The following PLOD1 variants were observed in gnomAD, a reference collection of about 807,000 sequenced individuals.
The protein encoded by PLOD1 is lysine hydroxylase.
Under a neutral mutation model 94.7 loss-of-function variants are expected in PLOD1, and 70 were observed. The observed-to-expected ratio is 0.74, with a 90% confidence interval of 0.61 to 0.90. PLOD1 has a LOEUF of 0.90. PLOD1 is among the 40% of genes least tolerant of loss of function. PLOD1 has a pLI of 0.00. For synonymous variants in PLOD1, 417 were observed against 400.2 expected (o/e 1.04, Z -0.50); for missense variants, 905 against 972.7 (o/e 0.93, Z 0.93).
intron 1 of PLOD1, among the ~76,000 whole-genome samples, chr1:11,942,348 A>G (rs1177651535): frequency 1.3e-5 from 2 of 152,140 alleles, no homozygotes; most frequent in Non-Finnish European, 2.9e-5. Context: ...GCCCAGTCCC[A>G]GCCATGGTGA....
chr1:11,954,983 C>T, intron 6 of PLOD1, 90 bp downstream of exon 6: 1 of 992,354 alleles, frequency 1.0e-6, no homozygotes, highest in Non-Finnish European at 1.6e-6. Flanking sequence ...GAGAAATGGG[C>T]TGCTTCTTTC....
chr1:11,937,138 G>A (rs1016691689), intron 1 of PLOD1, among the ~76,000 whole-genome samples: 1 of 152,094 alleles, frequency 6.6e-6, no homozygotes, highest in East Asian at 1.9e-4. Context: ...GTGAGCCACC[G>A]CGCCCGGCCA....
intron 1 of PLOD1, among the ~76,000 whole-genome samples, chr1:11,945,425 C>A (rs1242258344): frequency 6.9e-6 from 1 of 144,958 alleles, no homozygotes; most frequent in Admixed American, 6.9e-5. Context: ...GATTGGGTCT[C>A]AAAAAAAAAA....
At chr1:11,973,260 G>A (rs1645879434) in intron 18 of PLOD1, among the ~76,000 whole-genome samples, 1 of 152,288 alleles carries the variant, frequency 6.6e-6, no homozygotes, top group Non-Finnish European at 1.5e-5. Context: ...AGCAGTTTGG[G>A]AGGCCAAGGC....
chr1:11,956,453 A>G (rs1645738392), intron 6 of PLOD1, among the ~76,000 whole-genome samples: 1 of 152,208 alleles, frequency 6.6e-6, no homozygotes. Context: ...GGCTCCCTCC[A>G]CTGGGACAAG....
At chr1:11,947,954 C>T in intron 1 of PLOD1, 22 bp from the exon 2 acceptor site, 2 of 1,515,904 alleles carry the variant, frequency 1.3e-6, no homozygotes, top group Non-Finnish European at 1.8e-6. Flanking sequence ...TTCCCATTCA[C>T]CATACCCTCC....
chr1:11,937,953 C>CTT (rs796438993), intron 1 of PLOD1, among the ~76,000 whole-genome samples: 4 of 122,162 alleles, frequency 3.3e-5, no homozygotes, highest in East Asian at 2.4e-4. Flanking sequence ...TTTTCATTTT[C>CTT]TTTTTTTTTT....
Position 11,966,299 on chromosome 1 carries a change from G to A in PLOD1, c.1633G>A (p.Gly545Arg), listed in dbSNP as rs886045204. ...IHQNYTKALA[G>R]KLVETPCPDV... ...CCAGAACTACACCAAAGCCCTGGCAGGGAAGCTGGTGGAGACGGTAAGGGC... is the reference window on the plus strand; with the variant it reads ...CCAGAACTACACCAAAGCCCTGGCAAGGAAGCTGGTGGAGACGGTAAGGGC... Residue 545 changes from glycine (G) to arginine (R), a missense_variant, in exon 15 of 19, where the codon GGG becomes AGG. Physicochemically the swap from Gly to Arg is moderately radical, Grantham distance 125. Transcript: ENST00000196061. 6.2e-7 allele frequency: 1 copy of A among 1,607,336 alleles called. No homozygotes were observed. Among genetic ancestry groups the A allele is most frequent in the Non-Finnish European group, 8.5e-7 (1 of 1,176,808 alleles).
rs12037575 is a variant in PLOD1 at position 11,939,228 on chromosome 1, C to T, written c.76+4373C>T. On this transcript the variant is annotated intron_variant, in intron 1 of 18. Coordinates refer to ENST00000196061, the MANE Select transcript of PLOD1 (RefSeq NM_000302.4). ...GCACTGGATGGTGTGGGGGTGGGGC[C>T]GGGTCTGGGGAGACCTAAGTGGGCA... Among the ~76,000 whole-genome samples the T allele has an allele frequency of 3.3e-3, 508 of 151,898 alleles. 2 individuals carry two copies. Among genetic ancestry groups the T allele is most frequent in the African/African-American group, 0.012 (485 of 41,458 alleles).
intron 1 of PLOD1, among the ~76,000 whole-genome samples, chr1:11,945,237 T>G (rs1645642533): frequency 6.6e-6 from 1 of 151,966 alleles, no homozygotes; most frequent in African/African-American, 2.4e-5. Flanking sequence ...CTGAGTAACA[T>G]GGTGAAACCT....
rs140099945 is a variant in PLOD1 at position 11,946,914 on chromosome 1, A to C, written c.77-1062A>C. 2.7e-4 allele frequency among the ~76,000 whole-genome samples: 41 copies of C among 152,286 alleles called. 2 individuals are homozygous for C. In the East Asian group the frequency reaches 7.9e-3, roughly 29 times the overall value. ...GCCTCAGGAAGCTTTGACTCATGGCAGGCATGTCACATGGTGAGAGCTGGA... is the reference window on the plus strand; with the variant it reads ...GCCTCAGGAAGCTTTGACTCATGGCCGGCATGTCACATGGTGAGAGCTGGA... On this transcript the variant is annotated intron_variant, in intron 1 of 18. Coordinates refer to ENST00000196061, the MANE Select transcript of PLOD1 (RefSeq NM_000302.4).
chr1:11,964,564 C>A, intron 12 of PLOD1, 80 bp from the exon 13 acceptor site: 1 of 1,425,822 alleles, frequency 7.0e-7, no homozygotes, highest in Admixed American at 1.7e-5. Flanking sequence ...GGCTATGACT[C>A]CCCACCACCA....
Position 11,967,615 on chromosome 1 carries a change from A to ATAT in PLOD1, c.1755+524_1755+525insTAT, listed in dbSNP as rs58447090. ...TGTGTGTGTATATATATATATATAT[A>ATAT]AAAAGAAATATATATAGATTTTATT... On this transcript the variant is annotated intron_variant, in intron 16 of 18. Coordinates refer to ENST00000196061, the MANE Select transcript of PLOD1 (RefSeq NM_000302.4). Among the ~76,000 whole-genome samples the ATAT allele has an allele frequency of 1.2e-4, 12 of 103,978 alleles. 2 individuals carry two copies. 68.2% of individuals were successfully genotyped at this position (103,978 alleles called of 152,430 possible).
chr1:11,958,647 C>T lies in PLOD1; in HGVS notation c.975C>T (p.His325=), dbSNP rs761576315. The change falls in exon 9 of 19, where the codon CAC becomes CAT. Residue 325 remains histidine, a splice_region_variant and synonymous_variant. Coordinates refer to ENST00000196061, the MANE Select transcript of PLOD1 (RefSeq NM_000302.4). The surrounding 1 kb of genome is among the most constrained non-coding windows in gnomAD (Gnocchi z 4.3). Reference sequence around the variant, plus strand: ...ACATGCGACTTTTCATCCACAACCACGTGAGTAACAGGCGCTCTGTGGGGT... The same window carrying T: ...ACATGCGACTTTTCATCCACAACCATGTGAGTAACAGGCGCTCTGTGGGGT... ...QKHMRLFIHN[H]EQHHKAQVEE... is the part of the protein sequence containing the mutation. 49 of 1,614,000 alleles carry T rather than the reference C, an allele frequency of 3.0e-5. No homozygotes were observed. The highest frequency in any genetic ancestry group is 4.0e-5 in the African/African-American group (3 of 74,928).
At chr1:11,956,523 G>C (rs1645738800) in intron 6 of PLOD1, among the ~76,000 whole-genome samples, 1 of 152,206 alleles carries the variant, frequency 6.6e-6, no homozygotes, top group Admixed American at 6.5e-5. Flanking sequence ...TCTCAGTGCT[G>C]CTCTGCCTAC....
At chr1:11,965,399 C>A in intron 13 of PLOD1, 81 bp from the exon 14 acceptor site, 1 of 842,444 alleles carries the variant, frequency 1.2e-6, no homozygotes, top group South Asian at 1.4e-5. Flanking sequence ...GCACTGTTGC[C>A]CGTCTGGGAG....
Position 11,972,555 on chromosome 1 carries a change from T to TTCCCTTTCATTTCTTCTCC in PLOD1, c.1903-299_1903-298insCTCCCTTTCATTTCTTCTC. The TTCCCTTTCATTTCTTCTCC allele has an allele frequency of 2.8e-6, 1 of 352,244 alleles. No homozygotes were observed. Among genetic ancestry groups the TTCCCTTTCATTTCTTCTCC allele is most frequent in the Non-Finnish European group, 5.5e-6 (1 of 181,150 alleles). 21.8% of individuals were successfully genotyped at this position (352,244 alleles called of 1,614,324 possible). Reference sequence around the variant, plus strand: ...GGCGTGAGTACCATGTCCGGCCTCCTTCCCTTTCATTTCTTCTCTTCCCTT... The same window carrying TTCCCTTTCATTTCTTCTCC: ...GGCGTGAGTACCATGTCCGGCCTCCTTCCCTTTCATTTCTTCTCCTCCCTTTCATTTCTTCTCTTCCCTT... On this transcript the variant is annotated intron_variant, in intron 17 of 18. Coordinates refer to ENST00000196061, the MANE Select transcript of PLOD1 (RefSeq NM_000302.4). The surrounding 1 kb of genome is among the most constrained non-coding windows in gnomAD (Gnocchi z 4.6).
rs1260003592 is a variant in PLOD1, at chr1:11,975,026, C to T, written c.*218C>T. 3 of 622,894 alleles carry T rather than the reference C, an allele frequency of 4.8e-6. No individual in the cohort carries two copies. Among genetic ancestry groups the T allele is most frequent in the Non-Finnish European group, 8.6e-6 (3 of 348,426 alleles). The allele number at this position is 622,894 out of a possible 1,614,324, so 38.6% of individuals were successfully genotyped here. ...GGGGCTCTCCGTGGTGTTCTGGACC[C>T]AGCCCCTGGAGACACCATTCACTTT... is the stretch of plus-strand genomic sequence containing the variant. On this transcript the variant is annotated 3_prime_UTR_variant, in exon 19 of 19. Coordinates refer to ENST00000196061, the MANE Select transcript of PLOD1 (RefSeq NM_000302.4).
At chr1:11,955,360 G>T (rs915952158) in intron 6 of PLOD1, among the ~76,000 whole-genome samples, 2 of 152,194 alleles carry the variant, frequency 1.3e-5, no homozygotes, top group Non-Finnish European at 2.9e-5. Flanking sequence ...TTGCTTTGCC[G>T]CAGGTCTTCC....
Sources: allele counts gnomAD v4.1 joint callset (sites outside exome capture counted in the v4.1 genomes callset), GRCh38; gene constraint gnomAD v4.1.1; non-coding constraint Gnocchi (gnomAD v3.1); transcripts MANE v1.5; gene names NCBI Gene and HGNC (gene_info 2026-07-23, HGNC 2026-07-21).